Variants in KCNN2 observed in about 807,000 individuals in gnomAD.
KCNN2 encodes potassium calcium-activated channel subfamily N member 2, also known as small conductance calcium-activated potassium channel protein 2.
Under a neutral mutation model 55.5 loss-of-function variants are expected in KCNN2, and 24 were observed. The observed-to-expected ratio is 0.43, with a 90% CI of 0.31 to 0.61. The LOEUF is 0.61. Among genes scored for constraint, KCNN2 ranks in the 20% least tolerant of loss-of-function variants. KCNN2 has a pLI of 0.08. For missense variants in KCNN2, 754 were observed against 853.6 expected, an observed-to-expected ratio of 0.88 and a Z score of 1.45; for synonymous variants, 431 against 336.1, an observed-to-expected ratio of 1.28 and a Z score of -3.09.
intron 1 of KCNN2, among the ~76,000 whole-genome samples, chr5:114,141,974 G>T (rs2112505947): frequency 6.6e-6 from 1 of 152,180 alleles, no homozygotes; most frequent in South Asian, 2.1e-4. Flanking sequence ...TTTTTGATGG[G>T]GTTGTTTGTT....
intron 1 of KCNN2, among the ~76,000 whole-genome samples, chr5:114,199,877 T>C (rs938110300): frequency 2.6e-5 from 4 of 152,296 alleles, no homozygotes; most frequent in Middle Eastern, 3.4e-3. Context: ...AAGTTTCCTG[T>C]TAGTCTAACT....
At chr5:114,334,260 ATGTGTG>A (rs56654295) in intron 2 of KCNN2, among the ~76,000 whole-genome samples, 6,035 of 138,172 alleles carry the variant, frequency 0.044, 205 homozygotes, top group East Asian at 0.11. Context: ...CATATGCCTG[ATGTGTG>A]TGTGTGTGTG....
At chr5:114,118,451 T>G (rs1341471514) in intron 1 of KCNN2, among the ~76,000 whole-genome samples, 1 of 152,138 alleles carries the variant, frequency 6.6e-6, no homozygotes, top group Non-Finnish European at 1.5e-5. Context: ...AGTACAAGTC[T>G]GAAGGCCTGA....
chr5:114,155,514 A>C (rs1469844769), intron 1 of KCNN2, among the ~76,000 whole-genome samples: 1 of 152,168 alleles, frequency 6.6e-6, no homozygotes, highest in East Asian at 1.9e-4. Context: ...ACAGTGTATA[A>C]ACATTCCCTT....
At chr5:114,118,920 G>A (rs374335194) in intron 1 of KCNN2, among the ~76,000 whole-genome samples, 1 of 152,060 alleles carries the variant, frequency 6.6e-6, no homozygotes, top group Non-Finnish European at 1.5e-5. Flanking sequence ...AGGGGATGAG[G>A]ATATAGACCA....
intron 2 of KCNN2, among the ~76,000 whole-genome samples, chr5:114,365,935 T>G (rs1433968879): frequency 6.6e-6 from 1 of 151,388 alleles, no homozygotes; most frequent in Non-Finnish European, 1.5e-5. Flanking sequence ...GGGGAGGACA[T>G]TTGCTGGTAT....
intron 2 of KCNN2, among the ~76,000 whole-genome samples, chr5:114,400,543 T>G (rs972203777): frequency 3.3e-5 from 5 of 152,234 alleles, no homozygotes; most frequent in African/African-American, 4.8e-5. Context: ...GGTTCCCACT[T>G]GGCTTAGATT....
At chr5:114,398,484 GT>G (rs35191729) in intron 2 of KCNN2, among the ~76,000 whole-genome samples, 78 of 139,034 alleles carry the variant, frequency 5.6e-4, no homozygotes, top group Admixed American at 5.7e-4. Context: ...CAGTATTGTT[GT>G]TTTTTTTTTT....
chr5:114,364,081 T>A (rs1757532583), intron 2 of KCNN2, 80 bp downstream of exon 2: 1 of 1,024,110 alleles, frequency 9.8e-7, no homozygotes, highest in African/African-American at 1.6e-5. Flanking sequence ...AGAGGCTTTT[T>A]TCAAGCCATC....
intron 2 of KCNN2, among the ~76,000 whole-genome samples, chr5:114,291,695 G>C (rs1211241635): frequency 1.3e-5 from 2 of 152,028 alleles, no homozygotes; most frequent in Admixed American, 6.6e-5. Context: ...TAATCCTTTG[G>C]GTATATACCC....
chr5:114,440,545 A>G (rs1489598021), intron 3 of KCNN2, among the ~76,000 whole-genome samples: 2 of 152,068 alleles, frequency 1.3e-5, no homozygotes, highest in African/African-American at 4.8e-5. Flanking sequence ...GTCTACAAAT[A>G]ACAAAACAAC....
rs1561537029 is a variant in KCNN2, at chr5:114,241,753, T to TATATATACGTATATATATGC, written c.-185+20195_-185+20196insCGTATATATATGCATATATA. 1.1e-4 allele frequency among the ~76,000 whole-genome samples: 2 copies of TATATATACGTATATATATGC among 18,344 alleles called. 1 individual carries two copies. The highest frequency in any genetic ancestry group is 8.5e-3 in the South Asian group (2 of 236). 12.0% of individuals were successfully genotyped at this position (18,344 alleles called of 152,430 possible). A position where few individuals can be genotyped will look rare whatever the true frequency, so the allele number is the denominator to read the frequency against. ...ATATACATATATACGTATATATATG[T>TATATATACGTATATATATGC]ATATATATACGTATATATATACATA... is the stretch of plus-strand genomic sequence containing the variant. On this transcript the variant is annotated intron_variant, in intron 2 of 10. Coordinates refer to the KCNN2 transcript ENST00000512097.
chr5:114,307,569 T>G (rs1457916087), intron 2 of KCNN2, among the ~76,000 whole-genome samples: 3 of 152,184 alleles, frequency 2.0e-5, no homozygotes, highest in Non-Finnish European at 2.9e-5. Context: ...TAGTAAACTG[T>G]GTCCTATAGG....
intron 4 of KCNN2, among the ~76,000 whole-genome samples, chr5:114,470,748 A>G (rs1017731187): frequency 1.3e-5 from 2 of 152,206 alleles, no homozygotes; most frequent in Non-Finnish European, 2.9e-5. Flanking sequence ...GACTCTTATA[A>G]GAATTTTGAC....
intron 5 of KCNN2, chr5:114,486,727 C>T: frequency 7.7e-7 from 1 of 1,291,852 alleles, no homozygotes. Context: ...ACAACAATTG[C>T]AATACACGGT....
intron 1 of KCNN2, among the ~76,000 whole-genome samples, chr5:114,077,811 A>T (rs988666298): frequency 4.6e-5 from 7 of 152,164 alleles, no homozygotes; most frequent in Non-Finnish European, 8.8e-5. Context: ...TCTAGGGGAA[A>T]GCCTCATTGT....
intron 3 of KCNN2, among the ~76,000 whole-genome samples, chr5:114,455,746 T>C (rs190111598): frequency 1.3e-5 from 2 of 152,296 alleles, no homozygotes; most frequent in East Asian, 3.9e-4. Context: ...ACATGAATAA[T>C]AGGAAACAAA....
rs560261990 is a variant in KCNN2 at position 114,286,022 on chromosome 5, C to T, written c.-185+64457C>T. On this transcript the variant is annotated intron_variant, in intron 2 of 10. Coordinates refer to the KCNN2 transcript ENST00000512097. ...GCAACCTCCTCGTCCTGGGTTCAAG[C>T]GATTATCCTGTCTCAGCCTCCTGAG... 4.6e-5 allele frequency among the ~76,000 whole-genome samples: 7 copies of T among 151,552 alleles called. No homozygotes were observed. In the East Asian group the frequency reaches 5.8e-4, roughly 13 times the overall value.
intron 2 of KCNN2, chr5:114,253,701 GGA>G (rs1454339677): frequency 1.3e-5 from 2 of 152,104 alleles, no homozygotes; most frequent in African/African-American, 4.8e-5. Flanking sequence ...TTCCCCTGCT[GGA>G]ACCTCCAAAT....
Sources: allele counts gnomAD v4.1 joint callset (sites outside exome capture counted in the v4.1 genomes callset), GRCh38; gene constraint gnomAD v4.1.1; transcripts MANE v1.5; gene names NCBI Gene and HGNC (gene_info 2026-07-23, HGNC 2026-07-21).